Variants in FAM120A observed in about 807,000 individuals in gnomAD.
FAM120A encodes family with sequence similarity 120 member A.
A neutral mutation model predicts 109.7 loss-of-function variants in FAM120A; 15 were observed. That is an observed-to-expected ratio of 0.14 (90% confidence interval 0.09 to 0.21). The LOEUF is 0.21. Among genes scored for constraint, FAM120A ranks in the 10% least tolerant of loss-of-function variants. FAM120A has a pLI of 1.00. For missense variants in FAM120A, 899 were observed against 1,439.3 expected, an observed-to-expected ratio of 0.62 and a Z score of 6.07; for synonymous variants, 493 against 572.8, an observed-to-expected ratio of 0.86 and a Z score of 1.99.
chr9:93,503,819 G>C (rs1451273982), intron 5 of FAM120A, among the ~76,000 whole-genome samples: 2 of 150,222 alleles, frequency 1.3e-5, no homozygotes, highest in Non-Finnish European at 3.0e-5. Flanking sequence ...TTGTAACCTT[G>C]AAACTGCTCA....
At chr9:93,460,896 A>C in intron 1 of FAM120A, among the ~76,000 whole-genome samples, 1 of 152,226 alleles carries the variant, frequency 6.6e-6, no homozygotes, top group East Asian at 1.9e-4. Flanking sequence ...ATCTTTGAGT[A>C]AACCTTTTAT....
chr9:93,478,418 C>T (rs1003553809), intron 3 of FAM120A, among the ~76,000 whole-genome samples: 3 of 152,186 alleles, frequency 2.0e-5, no homozygotes, highest in African/African-American at 7.2e-5. Flanking sequence ...TTTAAAGTCA[C>T]ACATGAAATG....
At position 93,527,186 on chromosome 9, in the gene FAM120A, A is replaced by C; in HGVS notation, c.1450A>C (p.Lys484Gln). The change falls in exon 8 of 18, where the codon AAG (lysine) becomes CAG (glutamine). Residue 484 changes from lysine to glutamine, a missense_variant. Coordinates refer to ENST00000277165, the MANE Select transcript of FAM120A (RefSeq NM_014612.5). ...CAGCGGGAACAAGATTGGCTGGGAG[A>C]AGACGGGAAGCCACTCAGAGCCTCA... ...HISGNKIGWE[K>Q]TGSHSEPQAR... 1 of 1,614,058 alleles carries C rather than the reference A, an allele frequency of 6.2e-7. No homozygotes were observed. The highest frequency in any genetic ancestry group is 8.5e-7 in the Non-Finnish European group (1 of 1,179,970).
intron 3 of FAM120A, among the ~76,000 whole-genome samples, chr9:93,491,999 C>T (rs529323131): frequency 1.2e-4 from 19 of 152,220 alleles, no homozygotes; most frequent in South Asian, 2.1e-4. Flanking sequence ...AACCCTCCTG[C>T]GTAGTTACTG....
At chr9:93,473,368 C>A (rs915829469) in intron 2 of FAM120A, among the ~76,000 whole-genome samples, 8 of 151,878 alleles carry the variant, frequency 5.3e-5, no homozygotes, top group Non-Finnish European at 1.0e-4. Context: ...TGCAGTGGTG[C>A]AATCTCGGCT....
intron 3 of FAM120A, among the ~76,000 whole-genome samples, chr9:93,487,643 A>G (rs922743115): frequency 9.2e-5 from 14 of 152,212 alleles, no homozygotes. Context: ...AGGCAAAACA[A>G]TAGTGATAGA....
At chr9:93,487,550 T>C (rs1024547225) in intron 3 of FAM120A, among the ~76,000 whole-genome samples, 1 of 152,192 alleles carries the variant, frequency 6.6e-6, no homozygotes, top group Non-Finnish European at 1.5e-5. Context: ...TTGCAATAAG[T>C]TTGCGTCCCA....
At chr9:93,505,693 T>C (rs921459017) in intron 5 of FAM120A, among the ~76,000 whole-genome samples, 1 of 152,188 alleles carries the variant, frequency 6.6e-6, no homozygotes, top group African/African-American at 2.4e-5. Context: ...CTGGTTAATT[T>C]TGAGGGTGGT....
At chr9:93,530,980 C>T (rs1287803551) in intron 9 of FAM120A, 1 of 152,144 alleles carries the variant, frequency 6.6e-6, no homozygotes, top group African/African-American at 2.4e-5. Context: ...TTATGAATTT[C>T]AAGGGCAAAT....
At chr9:93,474,761 T>A (rs1397497280) in intron 2 of FAM120A, among the ~76,000 whole-genome samples, 1 of 152,072 alleles carries the variant, frequency 6.6e-6, no homozygotes, top group Non-Finnish European at 1.5e-5. Context: ...TCCCTGCTAA[T>A]TTTTTGTATT....
At position 93,564,388 on chromosome 9, in the gene FAM120A, G is replaced by A; in HGVS notation, c.3205G>A (p.Gly1069Ser). The change falls in exon 18 of 18, where the codon GGT becomes AGT. Residue 1069 changes from glycine to serine, a missense_variant. Coordinates refer to ENST00000277165, the MANE Select transcript of FAM120A (RefSeq NM_014612.5). ...KPAPQMNGST[G>S]DARAPSHSES... ...GGCTCCCCAGATGAACGGGAGCACG[G>A]GTGACGCCAGGGCCCCCAGCCACTC... 3 of 1,614,090 alleles carry A rather than the reference G, an allele frequency of 1.9e-6. No homozygotes were observed. Among genetic ancestry groups the A allele is most frequent in the Non-Finnish European group, 8.5e-7 (1 of 1,180,008 alleles).
chr9:93,549,561 C>G (rs1206487976), intron 11 of FAM120A, among the ~76,000 whole-genome samples: 1 of 152,196 alleles, frequency 6.6e-6, no homozygotes, highest in African/African-American at 2.4e-5. Flanking sequence ...ATTTAGTGCT[C>G]AGCACCAACT....
chr9:93,465,744 A>C (rs909955306), intron 1 of FAM120A, among the ~76,000 whole-genome samples: 1 of 152,104 alleles, frequency 6.6e-6, no homozygotes, highest in Non-Finnish European at 1.5e-5. Context: ...TGTGAACTTC[A>C]TTATGGACTT....
At chr9:93,558,155 G>C (rs138408290) in intron 14 of FAM120A, 145 bp downstream of exon 14, 1 of 862,064 alleles carries the variant, frequency 1.2e-6, no homozygotes, top group Non-Finnish European at 1.7e-6. Flanking sequence ...CTTCAAGTCC[G>C]TGAGGAGCAA....
chr9:93,491,188 G>C (rs10992757), intron 3 of FAM120A, among the ~76,000 whole-genome samples: 42,595 of 152,152 alleles, frequency 0.28, 7,055 homozygotes, highest in East Asian at 0.44. Context: ...TGGCCAGGCT[G>C]GTGCCCACAC....
chr9:93,533,550 A>G (rs1453552377), intron 10 of FAM120A, among the ~76,000 whole-genome samples: 3 of 152,212 alleles, frequency 2.0e-5, no homozygotes, highest in Non-Finnish European at 4.4e-5. Flanking sequence ...TCAAAGGTTC[A>G]GGACATTCTT....
intron 17 of FAM120A, among the ~76,000 whole-genome samples, chr9:93,563,986 A>G (rs1030308050): frequency 4.6e-5 from 7 of 152,216 alleles, no homozygotes; most frequent in Admixed American, 1.3e-4. Context: ...TGAAGGGGGA[A>G]TCTCCCTCAT....
intron 7 of FAM120A, among the ~76,000 whole-genome samples, chr9:93,525,431 C>T (rs1861034558): frequency 6.6e-6 from 1 of 152,112 alleles, no homozygotes; most frequent in Admixed American, 6.5e-5. Flanking sequence ...GGACAGATAC[C>T]CTGGGGATGG....
intron 10 of FAM120A, among the ~76,000 whole-genome samples, chr9:93,542,750 C>T (rs1861750473): frequency 6.6e-6 from 1 of 152,158 alleles, no homozygotes; most frequent in Admixed American, 6.5e-5. Flanking sequence ...AAAGTGGCTA[C>T]TGCATGCAAA....
Sources: gnomAD v4.1 joint callset for allele counts (sites outside exome capture counted in the v4.1 genomes callset) on GRCh38, gnomAD v4.1.1 for gene constraint, MANE v1.5 for transcripts, NCBI Gene and HGNC (gene_info 2026-07-23, HGNC 2026-07-21) for gene names.